SYCP1: variants seen among roughly 807,000 people sequenced by gnomAD.
SYCP1 encodes cancer/testis antigen 8.
SYCP1 carries 64 observed loss-of-function variants against 153.1 expected under a neutral mutation model. The observed-to-expected ratio is 0.42, with a 90% CI of 0.34 to 0.51. The LOEUF (loss-of-function observed/expected upper bound fraction) is 0.51, where lower values mean the gene tolerates loss of function less well. SYCP1 is among the 20% of genes least tolerant of loss of function. The pLI, the probability that SYCP1 is intolerant of heterozygous loss-of-function variation, is 0.06. For synonymous variants in SYCP1, 384 were observed against 341.8 expected (o/e 1.12, Z -1.36); for missense variants, 997 against 1,049.0 (o/e 0.95, Z 0.68).
chr1:114,860,863 G>A, intron 8 of SYCP1, 54 bp downstream of exon 8: 1 of 1,320,448 alleles, frequency 7.6e-7, no homozygotes, highest in Non-Finnish European at 1.0e-6. Context: ...ACTGGTAGAG[G>A]TGGAGAGGGA....
intron 12 of SYCP1, among the ~76,000 whole-genome samples, chr1:114,881,054 TATACACACACACAC>T (rs1264169586): frequency 9.0e-5 from 7 of 77,950 alleles, no homozygotes; most frequent in Admixed American, 2.1e-4. Flanking sequence ...AATTTGTGTA[TATACACACACACAC>T]ACACACACAC....
intron 15 of SYCP1, among the ~76,000 whole-genome samples, chr1:114,890,173 C>T (rs1174949143): frequency 6.6e-6 from 1 of 151,918 alleles, no homozygotes; most frequent in African/African-American, 2.4e-5. Flanking sequence ...ACATACCATC[C>T]TTTTGAGAAA....
At chr1:114,859,394 T>C (rs1664229847) in intron 6 of SYCP1, among the ~76,000 whole-genome samples, 1 of 152,206 alleles carries the variant, frequency 6.6e-6, no homozygotes, top group South Asian at 2.1e-4. Flanking sequence ...GCCGAAACTG[T>C]GTAACTTTAT....
At chr1:114,891,138 A>C (rs1666677727) in intron 15 of SYCP1, among the ~76,000 whole-genome samples, 1 of 152,012 alleles carries the variant, frequency 6.6e-6, no homozygotes, top group African/African-American at 2.4e-5. Context: ...TACACTTTAC[A>C]TTCTTCCTTG....
chr1:114,980,037 A>C (rs571957670), intron 28 of SYCP1, among the ~76,000 whole-genome samples: 150 of 151,948 alleles, frequency 9.9e-4, no homozygotes, highest in African/African-American at 3.5e-3. Flanking sequence ...ATTCAGAGAA[A>C]GGAGAGATGT....
At chr1:114,915,482 A>G (rs1273159127) in intron 20 of SYCP1, among the ~76,000 whole-genome samples, 4 of 152,174 alleles carry the variant, frequency 2.6e-5, no homozygotes, top group South Asian at 4.1e-4. Flanking sequence ...TACGTGTTCT[A>G]TTTTCCTACA....
intron 27 of SYCP1, among the ~76,000 whole-genome samples, chr1:114,947,585 G>T (rs1405363542): frequency 6.6e-6 from 1 of 151,644 alleles, no homozygotes; most frequent in Non-Finnish European, 1.5e-5. Context: ...AGGCCGAGGC[G>T]GGCGGATCAT....
At chr1:114,966,291 C>G (rs952236246) in intron 27 of SYCP1, among the ~76,000 whole-genome samples, 3 of 151,986 alleles carry the variant, frequency 2.0e-5, no homozygotes, top group African/African-American at 7.3e-5. Context: ...TTTCAAAAAA[C>G]CAGCTCCTAG....
intron 20 of SYCP1, among the ~76,000 whole-genome samples, chr1:114,922,576 C>G (rs2101723337): frequency 6.6e-6 from 1 of 152,226 alleles, no homozygotes; most frequent in African/African-American, 2.4e-5. Flanking sequence ...GCAGGCATCA[C>G]CAAGCCATGA....
At chr1:114,916,101 TG>T (rs1252909265) in intron 20 of SYCP1, among the ~76,000 whole-genome samples, 1 of 152,200 alleles carries the variant, frequency 6.6e-6, no homozygotes, top group Non-Finnish European at 1.5e-5. Context: ...AGAATGTATT[TG>T]GTCATTGCTT....
intron 27 of SYCP1, among the ~76,000 whole-genome samples, chr1:114,974,556 T>C (rs950989470): frequency 2.0e-5 from 3 of 151,850 alleles, no homozygotes; most frequent in African/African-American, 7.2e-5. Context: ...GTTTCTGATT[T>C]TGAATACTTT....
At chr1:114,871,713 C>T (rs1665143548) in intron 8 of SYCP1, among the ~76,000 whole-genome samples, 1 of 152,048 alleles carries the variant, frequency 6.6e-6, no homozygotes, top group Non-Finnish European at 1.5e-5. Flanking sequence ...GCTGGTATTA[C>T]AGGCGTGTGC....
intron 30 of SYCP1, among the ~76,000 whole-genome samples, chr1:114,991,568 G>C (rs921684692): frequency 6.6e-6 from 1 of 151,650 alleles, no homozygotes. Context: ...TATCATCATC[G>C]TGATGCAAAA....
At chr1:114,931,518 T>A (rs1669632096) in intron 23 of SYCP1, among the ~76,000 whole-genome samples, 1 of 152,082 alleles carries the variant, frequency 6.6e-6, no homozygotes, top group African/African-American at 2.4e-5. Context: ...GGGATAAATT[T>A]TACAAAATGT....
chr1:114,875,174 A>ATG (rs60673306), intron 9 of SYCP1, among the ~76,000 whole-genome samples: 18,159 of 139,514 alleles, frequency 0.13, 1,188 homozygotes, highest in Middle Eastern at 0.18. Context: ...TGTATTTGAT[A>ATG]TGTGTGTGTG....
chr1:114,909,386 T>C (rs765654310), intron 16 of SYCP1, among the ~76,000 whole-genome samples: 3 of 151,822 alleles, frequency 2.0e-5, no homozygotes, highest in Non-Finnish European at 4.4e-5. Flanking sequence ...CAGCCACTTG[T>C]GTTAATTTTT....
At position 114,910,982 on chromosome 1, in the gene SYCP1, A is replaced by G. The variant is rs188059495; in HGVS notation, c.1425+481A>G. ...TTAGACTTCATTAAGTTAGGTTCTT[A>G]GTTTATAGTACTTTTTATAGTGCTC... On this transcript the variant is annotated intron_variant, in intron 17 of 31. Transcript: ENST00000369522. 1.1e-4 allele frequency among the ~76,000 whole-genome samples: 17 copies of G among 152,180 alleles called. No individual in the cohort carries two copies. In the East Asian group the frequency reaches 3.1e-3, roughly 28 times the overall value.
intron 8 of SYCP1, among the ~76,000 whole-genome samples, chr1:114,871,094 G>A (rs972845486): frequency 2.6e-5 from 4 of 151,580 alleles, no homozygotes; most frequent in African/African-American, 7.3e-5. Flanking sequence ...AGTAATCCAA[G>A]TCGACTTTCA....
chr1:114,971,757 A>G (rs1012355758), intron 27 of SYCP1, among the ~76,000 whole-genome samples: 9 of 152,180 alleles, frequency 5.9e-5, no homozygotes, highest in Non-Finnish European at 1.2e-4. Flanking sequence ...TCTTGCATCC[A>G]TGGGATAAAT....
Sources: gnomAD v4.1 joint callset for allele counts (sites outside exome capture counted in the v4.1 genomes callset) on GRCh38, gnomAD v4.1.1 for gene constraint, MANE v1.5 for transcripts, NCBI Gene and HGNC (gene_info 2026-07-23, HGNC 2026-07-21) for gene names.